ATG3: variants seen among roughly 807,000 people sequenced by gnomAD.
ATG3 encodes the protein autophagy related 3.
In ATG3, 25 loss-of-function variants were observed where a neutral mutation model predicts 50.7. The observed-to-expected ratio is 0.49, with a 90% CI of 0.36 to 0.69. ATG3 has a LOEUF of 0.69. Ranked by LOEUF, ATG3 falls within the 30% of genes least tolerant of loss-of-function variation. The probability of loss-of-function intolerance (pLI) is 0.00; values close to 1 mark genes in which losing one functional copy is unlikely to be tolerated. For missense variants in ATG3, 281 were observed against 376.0 expected, an observed-to-expected ratio of 0.75 and a Z score of 2.09; for synonymous variants, 119 against 125.5, an observed-to-expected ratio of 0.95 and a Z score of 0.34.
At chr3:112,549,538 G>A (rs779742121) in intron 4 of ATG3, among the ~76,000 whole-genome samples, 1 of 152,098 alleles carries the variant, frequency 6.6e-6, no homozygotes, top group Non-Finnish European at 1.5e-5. Flanking sequence ...GCCAGGCGCG[G>A]TGGCTCACAC....
intron 6 of ATG3, 152 bp from the exon 7 acceptor site, chr3:112,542,036 G>A: frequency 1.8e-6 from 1 of 543,674 alleles, no homozygotes; most frequent in East Asian, 2.9e-5. Context: ...TGAAGATAAT[G>A]AATTCATATA....
chr3:112,544,029 T>G (rs375410608), intron 6 of ATG3, 28 bp downstream of exon 6: 6 of 1,525,436 alleles, frequency 3.9e-6, no homozygotes, highest in Admixed American at 1.7e-5. Context: ...ACTCATTAAA[T>G]TTAAAAATAT....
At chr3:112,536,920 CAAAAAAAAAAAAAAAAAAAAAAAAAAAAA>C (rs56353465) in intron 9 of ATG3, among the ~76,000 whole-genome samples, 7 of 68,420 alleles carry the variant, frequency 1.0e-4, no homozygotes, top group African/African-American at 3.1e-4. Context: ...GACTCCATCT[CAAAAAAAAAAAAAAAAAAAAAAAAAAAAA>C]AAAAAAAAAA....
In ATG3 at chr3:112,550,234, C is replaced by T. The variant is rs141154702; in HGVS notation, c.193G>A (p.Ala65Thr). ...AATTGTTTGCCTGTTGGTAGGTATG[C>T]CTTCACTTTCAATTCTTCCCCTGTA... ...WATGEELKVK[A>T]YLPTGKQFLV... Residue 65 changes from alanine to threonine, a missense_variant, in exon 4 of 12, where the codon GCA becomes ACA. Physicochemically the swap from Ala to Thr is moderately conservative, Grantham distance 58. Around this residue, in one of 3 missense-constraint regions of ATG3, gnomAD observed 242 missense variants for 305.0 expected, o/e 0.79. Transcript: ENST00000283290. 13 of 1,612,732 alleles carry T rather than the reference C, an allele frequency of 8.1e-6. No homozygotes were observed. The Admixed American group carries it at 1.2e-4, about 15-fold the overall frequency.
intron 3 of ATG3, among the ~76,000 whole-genome samples, chr3:112,551,535 A>T (rs1403803767): frequency 1.3e-5 from 2 of 152,168 alleles, no homozygotes; most frequent in Non-Finnish European, 1.5e-5. Context: ...TAATTCATAA[A>T]ATGGAATAAA....
At chr3:112,536,920 C>CAAA (rs56353465) in intron 9 of ATG3, among the ~76,000 whole-genome samples, 23 of 68,420 alleles carry the variant, frequency 3.4e-4, no homozygotes, top group African/African-American at 5.0e-4. Context: ...GACTCCATCT[C>CAAA]AAAAAAAAAA....
chr3:112,552,705 A>G lies in ATG3; in HGVS notation c.164+575T>C, dbSNP rs1390533593. Among the ~76,000 whole-genome samples, 6 of 148,716 alleles carry G rather than the reference A, an allele frequency of 4.0e-5. 1 individual carries two copies. In the South Asian group the frequency reaches 1.1e-3, roughly 26 times the overall value. On this transcript the variant is annotated intron_variant, in intron 3 of 11. Coordinates refer to ENST00000283290, the MANE Select transcript of ATG3 (RefSeq NM_022488.5). Reference sequence around the variant, plus strand: ...CACTCTGTTGCCCAGGCTGGAGTGCAGTGGCATCATCTCCGGCTCACTGCA... The same window carrying G: ...CACTCTGTTGCCCAGGCTGGAGTGCGGTGGCATCATCTCCGGCTCACTGCA...
chr3:112,534,483 A>G lies in ATG3; in HGVS notation c.795-146T>C, dbSNP rs1286422447. On this transcript the variant is annotated intron_variant, in intron 10 of 11. Transcript: ENST00000283290. The stretch of plus-strand genomic sequence containing the variant: ...TATATTATAAACTATCTCCCCCACC[A>G]CTCCCCAATAACTATAAAATATTTA... The G allele has an allele frequency of 9.3e-6, 4 of 430,972 alleles. No homozygotes were observed. The Admixed American group carries it at 1.7e-4, about 18-fold the overall frequency. 26.7% of individuals were successfully genotyped at this position (430,972 alleles called of 1,614,324 possible).
At chr3:112,553,771 T>TATA (rs1933590386) in intron 2 of ATG3, among the ~76,000 whole-genome samples, 1 of 151,750 alleles carries the variant, frequency 6.6e-6, no homozygotes, top group Non-Finnish European at 1.5e-5. Context: ...GATACAAGTC[T>TATA]ATAATGTAAG....
chr3:112,557,214 G>A (rs949801345), intron 2 of ATG3, among the ~76,000 whole-genome samples: 4 of 142,870 alleles, frequency 2.8e-5, no homozygotes, highest in Non-Finnish European at 3.1e-5. Context: ...ATCACGCCCC[G>A]CTAATTTTTT....
Position 112,537,866 on chromosome 3 carries a change from C to T in ATG3, c.535G>A (p.Val179Ile), listed in dbSNP as rs1933115797. The change falls in exon 9 of 12, where the codon GTA becomes ATA. Residue 179 changes from valine (V) to isoleucine (I), a missense_variant. By Grantham distance (29) the Val-to-Ile change is conservative. Around this residue, in one of 3 missense-constraint regions of ATG3, gnomAD observed 242 missense variants for 305.0 expected, o/e 0.79. Coordinates refer to ENST00000283290, the MANE Select transcript of ATG3 (RefSeq NM_022488.5). The stretch of plus-strand genomic sequence containing the variant: ...TCAGTTTTGGCTTTACAAGCTTCTA[C>T]TATTTTCCTTGTATCTAGGGTAGCC... ...DEATLDTRKIVEACKAKTDAG... is the reference protein window; with the variant it reads ...DEATLDTRKIIEACKAKTDAG... 1.9e-6 allele frequency: 3 copies of T among 1,610,434 alleles called. No homozygotes were observed. The highest frequency in any genetic ancestry group is 3.4e-5 in the Admixed American group (2 of 59,144).
chr3:112,555,650 G>A (rs1933651864), intron 2 of ATG3, among the ~76,000 whole-genome samples: 2 of 152,128 alleles, frequency 1.3e-5, no homozygotes, highest in Admixed American at 1.3e-4. Flanking sequence ...GAAACAGCAA[G>A]ATGAAACAAA....
At chr3:112,536,358 A>T in intron 10 of ATG3, 117 bp downstream of exon 10, 2 of 1,250,604 alleles carry the variant, frequency 1.6e-6, no homozygotes, top group Non-Finnish European at 2.2e-6. Context: ...AGAGAATTTT[A>T]CTTTTTAGTA....
chr3:112,549,112 C>T (rs1933455916), intron 4 of ATG3, among the ~76,000 whole-genome samples: 1 of 152,154 alleles, frequency 6.6e-6, no homozygotes, highest in Non-Finnish European at 1.5e-5. Flanking sequence ...ATTTAAGTTC[C>T]AGTTATTCAC....
chr3:112,561,258 T>C (rs1321867684), intron 1 of ATG3, among the ~76,000 whole-genome samples, 199 bp downstream of exon 1: 13 of 152,170 alleles, frequency 8.5e-5, no homozygotes, highest in Admixed American at 8.5e-4. Flanking sequence ...TCGCTCCAAG[T>C]TTACCCCTGA....
intron 4 of ATG3, among the ~76,000 whole-genome samples, chr3:112,549,411 A>G (rs1044239878): frequency 6.6e-6 from 1 of 152,238 alleles, no homozygotes; most frequent in African/African-American, 2.4e-5. Flanking sequence ...TCCCTTTCCT[A>G]TAATGAGTAA....
intron 2 of ATG3, 80 bp from the exon 3 acceptor site, chr3:112,553,409 C>A: frequency 8.1e-7 from 1 of 1,233,040 alleles, no homozygotes. Flanking sequence ...TGGCAAAATA[C>A]CAAACTGATG....
rs753252419 is a variant in ATG3 at position 112,555,163 on chromosome 3, T to C, written c.115-1834A>G. ...ATCTCATAGTCCCTATAGTATCTTC[T>C]ATTTAAAAACAAGAACACTAGGAGG... is the stretch of plus-strand genomic sequence containing the variant. On this transcript the variant is annotated intron_variant, in intron 2 of 11. Transcript: ENST00000283290. 4.7e-4 allele frequency among the ~76,000 whole-genome samples: 71 copies of C among 152,188 alleles called. 1 individual carries two copies. The highest frequency in any genetic ancestry group is 3.1e-3 in the Admixed American group (47 of 15,270).
At chr3:112,557,416 G>A (rs904441740) in intron 2 of ATG3, among the ~76,000 whole-genome samples, 1 of 152,152 alleles carries the variant, frequency 6.6e-6, no homozygotes, top group Non-Finnish European at 1.5e-5. Context: ...TCAAGAGGTC[G>A]AGACCATTCT....
Sources: allele counts gnomAD v4.1 joint callset (sites outside exome capture counted in the v4.1 genomes callset), GRCh38; gene constraint gnomAD v4.1.1; regional missense constraint gnomAD v4.1.1; transcripts MANE v1.5; gene names NCBI Gene and HGNC (gene_info 2026-07-23, HGNC 2026-07-21).